The following GRHL2 variants were observed in gnomAD, a reference collection of about 807,000 sequenced individuals.
GRHL2 encodes the protein grainyhead-like protein 2 homolog.
GRHL2 carries 21 observed loss-of-function variants against 83.8 expected under a neutral mutation model. The ratio of observed to expected loss-of-function variants is 0.25; its 90% CI spans 0.18 to 0.36. The LOEUF (loss-of-function observed/expected upper bound fraction) is 0.36, where lower values mean the gene tolerates loss of function less well. GRHL2 is among the 10% of genes least tolerant of loss of function. The pLI is 1.00. For synonymous variants in GRHL2, 280 were observed against 278.9 expected (o/e 1.00, Z -0.04); for missense variants, 623 against 781.8 (o/e 0.80, Z 2.42).
intron 12 of GRHL2, among the ~76,000 whole-genome samples, chr8:101,640,557 G>T (rs1324125438): frequency 6.6e-6 from 1 of 152,184 alleles, no homozygotes; most frequent in Non-Finnish European, 1.5e-5. Flanking sequence ...TAGCATGCAT[G>T]ATGATAAATT....
downstream of GRHL2, among the ~76,000 whole-genome samples, chr8:101,674,541 G>A (rs1814261947): frequency 6.6e-6 from 1 of 152,186 alleles, no homozygotes; most frequent in African/African-American, 2.4e-5. Flanking sequence ...ACCAATAACA[G>A]GCTCTGAAAT....
intron 7 of GRHL2, among the ~76,000 whole-genome samples, chr8:101,597,951 TA>T (rs1812426547): frequency 6.6e-6 from 1 of 152,192 alleles, no homozygotes; most frequent in Non-Finnish European, 1.5e-5. Flanking sequence ...GAATTTCTGA[TA>T]AATAATGAAT....
intron 15 of GRHL2, among the ~76,000 whole-genome samples, chr8:101,665,272 T>G (rs1345489011): frequency 6.6e-6 from 1 of 152,156 alleles, no homozygotes; most frequent in East Asian, 1.9e-4. Flanking sequence ...TGTGACGGTC[T>G]AAGAGTAGGG....
In GRHL2 at chr8:101,666,673, G is replaced by A. The variant is rs553572598; in HGVS notation, c.1848G>A (p.Glu616=). ...TFILNMESMV[E]GFKVTLMEI ...TCCTCAACATGGAGAGCATGGTGGA[G>A]GGCTTCAAGGTCACGCTCATGGAAA... The change falls in exon 16 of 16, where the codon GAG becomes GAA. Residue 616 remains glutamate, a synonymous_variant. Coordinates refer to ENST00000646743, the MANE Select transcript of GRHL2 (RefSeq NM_024915.4). The A allele has an allele frequency of 2.6e-4, 427 of 1,613,074 alleles. 7 individuals carry two copies. The South Asian group carries it at 4.4e-3, about 17-fold the overall frequency.
chr8:101,592,100 CT>C (rs11382067), intron 7 of GRHL2, among the ~76,000 whole-genome samples: 4 of 90,312 alleles, frequency 4.4e-5, no homozygotes, highest in Admixed American at 1.6e-4. Context: ...TCTTTCTTTT[CT>C]TTTTTTTTTT....
chr8:101,510,617 A>G (rs1810441985), intron 1 of GRHL2, among the ~76,000 whole-genome samples: 1 of 152,210 alleles, frequency 6.6e-6, no homozygotes, highest in Admixed American at 6.5e-5. Context: ...ATTTACAAAT[A>G]TTAAAAAATA....
In GRHL2 at chr8:101,528,309, G is replaced by C. The variant is rs550648074; in HGVS notation, c.21-14932G>C. Among the ~76,000 whole-genome samples, 5 of 152,016 alleles carry C rather than the reference G, an allele frequency of 3.3e-5. No homozygotes were observed. In the East Asian group the frequency reaches 7.7e-4, roughly 23 times the overall value. Reference sequence around the variant, plus strand: ...GTGCTGTCTTTCCTATTCAGTCCTCGTACAAACTTTTATTTTTATTCTAAA... The same window carrying C: ...GTGCTGTCTTTCCTATTCAGTCCTCCTACAAACTTTTATTTTTATTCTAAA... On this transcript the variant is annotated intron_variant, in intron 1 of 15. Transcript: ENST00000646743.
intron 1 of GRHL2, among the ~76,000 whole-genome samples, chr8:101,503,692 G>C (rs753528091): frequency 9.9e-5 from 15 of 152,138 alleles, no homozygotes; most frequent in Non-Finnish European, 1.5e-4. Context: ...TGGCTATCAA[G>C]GGTTGGTTTA....
chr8:101,596,676 G>A (rs1470686989), intron 7 of GRHL2, among the ~76,000 whole-genome samples: 1 of 152,182 alleles, frequency 6.6e-6, no homozygotes, highest in Non-Finnish European at 1.5e-5. Flanking sequence ...TTACAGTATT[G>A]TATAAAATAT....
At chr8:101,565,845 C>T (rs1031487454) in intron 4 of GRHL2, among the ~76,000 whole-genome samples, 1 of 152,180 alleles carries the variant, frequency 6.6e-6, no homozygotes, top group African/African-American at 2.4e-5. Flanking sequence ...TAACTCAACT[C>T]CAGGCATGTT....
the GRHL2 span, among the ~76,000 whole-genome samples, chr8:101,680,683 T>TGG: frequency 7.1e-5 from 9 of 126,824 alleles, no homozygotes; most frequent in Non-Finnish European, 1.5e-4. Context: ...GAAGTAAAGC[T>TGG]CTCCTCAGCA....
At chr8:101,630,798 T>A (rs997327292) in intron 9 of GRHL2, among the ~76,000 whole-genome samples, 1 of 152,124 alleles carries the variant, frequency 6.6e-6, no homozygotes, top group East Asian at 1.9e-4. Context: ...GGAACCCACG[T>A]TGGAATGTCT....
intron 9 of GRHL2, among the ~76,000 whole-genome samples, chr8:101,624,031 TCACAGTACACAGTA>T (rs547528060): frequency 6.0e-5 from 8 of 132,812 alleles, no homozygotes; most frequent in South Asian, 2.4e-4. Context: ...GTAGGACAGT[TCACAGTACACAGTA>T]CACAGTACAC....
Position 101,543,236 on chromosome 8 carries a change from T to C in GRHL2, c.21-5T>C. Reference sequence around the variant, plus strand: ...ATGAACCTCACATTTCTCTTGTTTTTACAGTAATAAAAGACTAGTGGCCTT... The same window carrying C: ...ATGAACCTCACATTTCTCTTGTTTTCACAGTAATAAAAGACTAGTGGCCTT... On this transcript the variant is annotated splice_polypyrimidine_tract_variant and splice_region_variant and intron_variant, in intron 1 of 15. Transcript: ENST00000646743. 1 of 1,612,982 alleles carries C rather than the reference T, an allele frequency of 6.2e-7. No individual in the cohort carries two copies. Among genetic ancestry groups the C allele is most frequent in the Non-Finnish European group, 8.5e-7 (1 of 1,178,924 alleles).
At chr8:101,675,825 G>A in the GRHL2 span, among the ~76,000 whole-genome samples, 4 of 152,274 alleles carry the variant, frequency 2.6e-5, no homozygotes, top group East Asian at 7.7e-4. Context: ...CAAGGCTACA[G>A]TAACCAAAAC....
chr8:101,545,625 A>G (rs1481020933), intron 2 of GRHL2, among the ~76,000 whole-genome samples: 4 of 151,996 alleles, frequency 2.6e-5, no homozygotes, highest in African/African-American at 7.2e-5. Context: ...AAAATTTTCA[A>G]AATGTATTGA....
At chr8:101,579,239 A>G (rs1232816963) in intron 7 of GRHL2, among the ~76,000 whole-genome samples, 2 of 152,240 alleles carry the variant, frequency 1.3e-5, no homozygotes, top group East Asian at 3.8e-4. Flanking sequence ...GAAAGGAGCA[A>G]TTAAAGAGAA....
Position 101,587,142 on chromosome 8 carries a change from G to A in GRHL2, c.1003+9623G>A, listed in dbSNP as rs569579443. Among the ~76,000 whole-genome samples, 14 of 152,176 alleles carry A rather than the reference G, an allele frequency of 9.2e-5. No individual in the cohort carries two copies. In the South Asian group the frequency reaches 2.5e-3, roughly 27 times the overall value. On this transcript the variant is annotated intron_variant, in intron 7 of 15. Coordinates refer to ENST00000646743, the MANE Select transcript of GRHL2 (RefSeq NM_024915.4). ...TAGATGTGGAATTAAAACTTACAAC[G>A]AATGTGTCCCTTCGTCATTTTCCTT...
At position 101,540,615 on chromosome 8, in the gene GRHL2, A is replaced by G. The variant is rs117033988; in HGVS notation, c.21-2626A>G. On this transcript the variant is annotated intron_variant, in intron 1 of 15. Transcript: ENST00000646743. ...ACCCCAAACATATCTTACCAATGTCAGTGTCTTTTTTTCTGACCTGACACA... is the reference window on the plus strand; with the variant it reads ...ACCCCAAACATATCTTACCAATGTCGGTGTCTTTTTTTCTGACCTGACACA... Among the ~76,000 whole-genome samples, 301 of 152,212 alleles carry G rather than the reference A, an allele frequency of 2.0e-3. 10 individuals are homozygous for G. In the East Asian group the frequency reaches 0.053, roughly 27 times the overall value.
Sources: gnomAD v4.1 joint callset for allele counts (sites outside exome capture counted in the v4.1 genomes callset) on GRCh38, gnomAD v4.1.1 for gene constraint, MANE v1.5 for transcripts, NCBI Gene and HGNC (gene_info 2026-07-23, HGNC 2026-07-21) for gene names.